AUTS2: variants seen among roughly 807,000 people sequenced by gnomAD.
AUTS2 encodes the protein autism susceptibility gene 2 protein.
Under a neutral mutation model 112.4 loss-of-function variants are expected in AUTS2, and 17 were observed. The ratio of observed to expected loss-of-function variants is 0.15; its 90% CI spans 0.10 to 0.23. The LOEUF (loss-of-function observed/expected upper bound fraction) is 0.23. AUTS2 is among the 10% of genes least tolerant of loss of function. The pLI, the probability that AUTS2 is intolerant of heterozygous loss-of-function variation, is 1.00. For missense variants in AUTS2, 1,510 were observed against 1,701.6 expected (o/e 0.89, Z 1.98); for synonymous variants, 751 against 702.7 (o/e 1.07, Z -1.09).
intron 4 of AUTS2, among the ~76,000 whole-genome samples, chr7:70,177,680 G>A (rs192106738): frequency 7.9e-5 from 12 of 152,224 alleles, no homozygotes; most frequent in East Asian, 3.9e-4. Context: ...TAGGGGTTTC[G>A]TTAAGGAAAG....
intron 1 of AUTS2, among the ~76,000 whole-genome samples, chr7:69,867,965 T>C (rs1459569640): frequency 1.3e-5 from 2 of 152,100 alleles, no homozygotes; most frequent in Non-Finnish European, 2.9e-5. Context: ...AAAAATCATA[T>C]AGGAAATTCA....
At chr7:69,994,362 T>C (rs1308538294) in intron 2 of AUTS2, among the ~76,000 whole-genome samples, 5 of 152,198 alleles carry the variant, frequency 3.3e-5, no homozygotes, top group Admixed American at 1.3e-4. Flanking sequence ...CCTCAACTTG[T>C]GTGGTCTCAG....
At chr7:70,761,616 C>T (rs1789568160) in intron 6 of AUTS2, among the ~76,000 whole-genome samples, 1 of 152,080 alleles carries the variant, frequency 6.6e-6, no homozygotes, top group South Asian at 2.1e-4. Context: ...TATTGAGTGC[C>T]CTACTGGTCT....
At chr7:70,401,453 G>A (rs1374595103) in intron 4 of AUTS2, among the ~76,000 whole-genome samples, 2 of 152,214 alleles carry the variant, frequency 1.3e-5, no homozygotes, top group East Asian at 3.9e-4. Flanking sequence ...GAGGGACCAA[G>A]CTGGAGCTGA....
rs536025497 is a variant in AUTS2 at position 70,444,624 on chromosome 7, T to C, written c.690+8843T>C. Among the ~76,000 whole-genome samples, 13 of 152,282 alleles carry C rather than the reference T, an allele frequency of 8.5e-5. No individual in the cohort carries two copies. In the South Asian group the frequency reaches 2.3e-3, roughly 27 times the overall value. ...TGGGAAGGTCAAATTGGTTCTCTTT[T>C]ATACAGGTTAGAGATTTTCCCTATC... is the stretch of plus-strand genomic sequence containing the variant. On this transcript the variant is annotated intron_variant, in intron 5 of 18. Transcript: ENST00000342771.
At chr7:70,789,455 T>C (rs1791730469) in intron 18 of AUTS2, among the ~76,000 whole-genome samples, 1 of 152,186 alleles carries the variant, frequency 6.6e-6, no homozygotes, top group African/African-American at 2.4e-5. Flanking sequence ...GAAGCTCTTC[T>C]TCTGTGCTCT....
rs568081783 is a variant in AUTS2, at chr7:69,789,358, C to T, written c.310-109928C>T. On this transcript the variant is annotated intron_variant, in intron 1 of 18. Transcript: ENST00000342771. The stretch of plus-strand genomic sequence containing the variant: ...TATCAATATTTTGTAAAACTGATTC[C>T]AAAGGTTAGCTAAGTGTGAATCAGT... Among the ~76,000 whole-genome samples the T allele has an allele frequency of 3.3e-5, 5 of 152,262 alleles. No homozygotes were observed. The South Asian group carries it at 1.0e-3, about 32-fold the overall frequency.
intron 5 of AUTS2, among the ~76,000 whole-genome samples, chr7:70,457,425 G>T (rs1265559884): frequency 6.9e-6 from 1 of 145,418 alleles, no homozygotes; most frequent in African/African-American, 2.8e-5. Flanking sequence ...TCTCCTTCTG[G>T]AGGGGTAGGA....
chr7:70,673,534 T>TTTTTA (rs1043087581), intron 5 of AUTS2, among the ~76,000 whole-genome samples: 5 of 152,010 alleles, frequency 3.3e-5, no homozygotes, highest in Admixed American at 2.6e-4. Flanking sequence ...GCCCAGCTGA[T>TTTTTA]TTTTATTTTA....
At chr7:70,251,000 C>G (rs1209995305) in intron 4 of AUTS2, among the ~76,000 whole-genome samples, 1 of 152,234 alleles carries the variant, frequency 6.6e-6, no homozygotes, top group East Asian at 1.9e-4. Flanking sequence ...ACATGTACCC[C>G]TGAACCCAAA....
At chr7:70,761,558 C>G (rs995199084) in intron 6 of AUTS2, among the ~76,000 whole-genome samples, 2 of 152,096 alleles carry the variant, frequency 1.3e-5, no homozygotes, top group African/African-American at 4.8e-5. Flanking sequence ...ATAATTTTCC[C>G]CCAGTTGTAT....
chr7:70,051,121 T>C (rs555868778), intron 2 of AUTS2, among the ~76,000 whole-genome samples: 1 of 152,230 alleles, frequency 6.6e-6, no homozygotes, highest in Non-Finnish European at 1.5e-5. Flanking sequence ...TTGAGTGAAA[T>C]GCAGAATTTT....
In AUTS2 at chr7:70,261,365, G is replaced by A. The variant is rs553326435; in HGVS notation, c.660+126794G>A. 4.3e-4 allele frequency among the ~76,000 whole-genome samples: 66 copies of A among 152,308 alleles called. 1 individual carries two copies. The highest frequency in any genetic ancestry group is 4.2e-3 in the Admixed American group (65 of 15,308). ...CTACAGAGTTGCATGAGGGAACATT[G>A]TGGGTGATGGAAATGTTGTTTCTTG... On this transcript the variant is annotated intron_variant, in intron 4 of 18. Transcript: ENST00000342771.
intron 4 of AUTS2, among the ~76,000 whole-genome samples, chr7:70,162,642 A>G (rs1049390195): frequency 6.6e-6 from 1 of 152,110 alleles, no homozygotes; most frequent in African/African-American, 2.4e-5. Flanking sequence ...ACTATAAATC[A>G]GAGCCAAGAG....
At chr7:70,444,425 G>T (rs953247354) in intron 5 of AUTS2, among the ~76,000 whole-genome samples, 4 of 151,258 alleles carry the variant, frequency 2.6e-5, no homozygotes, top group Non-Finnish European at 4.4e-5. Context: ...ACTCCTGGAT[G>T]GCAAGATAGT....
At chr7:70,487,781 G>A (rs1052991552) in intron 5 of AUTS2, among the ~76,000 whole-genome samples, 5 of 152,212 alleles carry the variant, frequency 3.3e-5, no homozygotes, top group Admixed American at 2.0e-4. Flanking sequence ...CAAGATTCAA[G>A]GAGAGTAGCT....
At chr7:69,715,227 T>TAA (rs61555118) in intron 1 of AUTS2, among the ~76,000 whole-genome samples, 3,380 of 129,302 alleles carry the variant, frequency 0.026, 97 homozygotes, top group African/African-American at 0.068. Context: ...CAGGCATAAG[T>TAA]AAAAAAAAAA....
intron 5 of AUTS2, among the ~76,000 whole-genome samples, chr7:70,473,377 G>A (rs1192585219): frequency 6.6e-6 from 1 of 152,164 alleles, no homozygotes; most frequent in Non-Finnish European, 1.5e-5. Flanking sequence ...TTTATGGGCA[G>A]CCATTCCTCA....
intron 4 of AUTS2, among the ~76,000 whole-genome samples, chr7:70,288,714 A>T (rs572737895): frequency 2.6e-5 from 4 of 152,168 alleles, no homozygotes; most frequent in Non-Finnish European, 4.4e-5. Flanking sequence ...AAAGATGTAT[A>T]AATGAAGACA....
Sources: gnomAD v4.1 joint callset for allele counts (sites outside exome capture counted in the v4.1 genomes callset) on GRCh38, gnomAD v4.1.1 for gene constraint, MANE v1.5 for transcripts, NCBI Gene and HGNC (gene_info 2026-07-23, HGNC 2026-07-21) for gene names.